Variants in HS3ST4 observed in about 807,000 individuals in gnomAD.
The protein encoded by HS3ST4 is heparan sulfate-glucosamine 3-sulfotransferase 4.
A neutral mutation model predicts 29.2 loss-of-function variants in HS3ST4; 17 were observed. The ratio of observed to expected loss-of-function variants is 0.58; its 90% CI spans 0.40 to 0.87. HS3ST4 has a LOEUF of 0.87. Among genes scored for constraint, HS3ST4 ranks in the 40% least tolerant of loss-of-function variants. The pLI is 0.00. For missense variants in HS3ST4, 627 were observed against 634.5 expected (o/e 0.99, Z 0.13); for synonymous variants, 314 against 285.7 (o/e 1.10, Z -1.00).
chr16:25,735,580 G>A (rs1377289451), intron 1 of HS3ST4, among the ~76,000 whole-genome samples: 1 of 152,014 alleles, frequency 6.6e-6, no homozygotes, highest in African/African-American at 2.4e-5. Context: ...TTGTAGAGAT[G>A]GGGTTTCACT....
intron 1 of HS3ST4, among the ~76,000 whole-genome samples, chr16:25,762,837 AC>A (rs1317655290): frequency 7.3e-6 from 1 of 136,924 alleles, no homozygotes; most frequent in African/African-American, 2.8e-5. Flanking sequence ...TGTTTGTGCC[AC>A]TACACTCCAG....
At chr16:26,057,936 T>A (rs1281798573) in intron 1 of HS3ST4, among the ~76,000 whole-genome samples, 2 of 149,880 alleles carry the variant, frequency 1.3e-5, no homozygotes, top group African/African-American at 2.5e-5. Flanking sequence ...AACATCTCAC[T>A]GGGGCCAGGG....
At chr16:25,943,107 C>T in intron 1 of HS3ST4, among the ~76,000 whole-genome samples, 1 of 152,212 alleles carries the variant, frequency 6.6e-6, no homozygotes, top group East Asian at 1.9e-4. Context: ...CCAATTGCCA[C>T]TTATCAACTA....
At chr16:26,042,856 C>T (rs1307743582) in intron 1 of HS3ST4, among the ~76,000 whole-genome samples, 1 of 152,074 alleles carries the variant, frequency 6.6e-6, no homozygotes, top group Non-Finnish European at 1.5e-5. Context: ...TGAGTCAAAT[C>T]AATATTTAGA....
chr16:26,137,282 A>G lies in HS3ST4; in HGVS notation c.*1034A>G, dbSNP rs1898296869. ...CTGTTATTAGGAATAATCCTTAGCC[A>G]TGTAATGGAGAAAGGAGCAGTCAGC... On this transcript the variant is annotated 3_prime_UTR_variant, in exon 2 of 2. Transcript: ENST00000331351. 6.6e-6 allele frequency: 1 copy of G among 152,170 alleles called. No homozygotes were observed. The highest frequency in any genetic ancestry group is 2.4e-5 in the African/African-American group (1 of 41,434). The allele number at this position is 152,170 out of a possible 1,614,324, so 9.4% of individuals were successfully genotyped here. A position where few individuals can be genotyped will look rare whatever the true frequency, so the allele number is the denominator to read the frequency against.
chr16:26,035,701 T>A (rs540976758), intron 1 of HS3ST4, among the ~76,000 whole-genome samples: 1 of 152,344 alleles, frequency 6.6e-6, no homozygotes, highest in South Asian at 2.1e-4. Context: ...CTCAAGAGTA[T>A]CCCAGTTGGT....
rs541394081 is a variant in HS3ST4, at chr16:26,038,147, C to T, written c.735-97465C>T. Among the ~76,000 whole-genome samples the T allele has an allele frequency of 7.2e-5, 11 of 152,294 alleles. 1 individual carries two copies. The East Asian group carries it at 2.1e-3, about 29-fold the overall frequency. ...ATCCACATGGTCCTCCTCATTGTCC[C>T]TCAGCGACGTCAAGCTCAGCCCTCT... On this transcript the variant is annotated intron_variant, in intron 1 of 1. Transcript: ENST00000331351.
rs116620104 is a variant in HS3ST4, at chr16:25,892,774, T to C, written c.734+199623T>C. Among the ~76,000 whole-genome samples the C allele has an allele frequency of 5.2e-3, 795 of 152,226 alleles. 11 individuals carry two copies. Among genetic ancestry groups the C allele is most frequent in the African/African-American group, 0.018 (767 of 41,514 alleles). ...CCGCCCTCCTTTTCCAGGGAATAAA[T>C]CTATTCCCTTCTTAACTCATCCATA... On this transcript the variant is annotated intron_variant, in intron 1 of 1. Transcript: ENST00000331351.
At chr16:26,059,287 C>T (rs1048359667) in intron 1 of HS3ST4, among the ~76,000 whole-genome samples, 1 of 151,912 alleles carries the variant, frequency 6.6e-6, no homozygotes, top group African/African-American at 2.4e-5. Context: ...ACTTGTCCCC[C>T]TCTCTCTCTT....
chr16:26,006,501 T>G (rs552331911), intron 1 of HS3ST4, among the ~76,000 whole-genome samples: 7 of 152,128 alleles, frequency 4.6e-5, no homozygotes, highest in African/African-American at 7.2e-5. Context: ...GTTTAACTCA[T>G]GCAGAGCCAG....
At chr16:25,993,722 C>T (rs139439786) in intron 1 of HS3ST4, among the ~76,000 whole-genome samples, 27 of 151,866 alleles carry the variant, frequency 1.8e-4, no homozygotes, top group African/African-American at 5.8e-4. Flanking sequence ...CGATAAATGT[C>T]AGGAGTGGGT....
At chr16:25,830,145 C>T (rs1344925953) in intron 1 of HS3ST4, among the ~76,000 whole-genome samples, 1 of 152,150 alleles carries the variant, frequency 6.6e-6, no homozygotes, top group African/African-American at 2.4e-5. Flanking sequence ...TAAATGGGCT[C>T]TTCCACATGG....
chr16:26,010,573 A>G (rs1470624262), intron 1 of HS3ST4, among the ~76,000 whole-genome samples: 2 of 152,186 alleles, frequency 1.3e-5, no homozygotes, highest in South Asian at 2.1e-4. Flanking sequence ...ACCTATGCAT[A>G]TATTTTTGGG....
chr16:25,961,289 G>T (rs914933158), intron 1 of HS3ST4, among the ~76,000 whole-genome samples: 3 of 152,180 alleles, frequency 2.0e-5, no homozygotes, highest in Non-Finnish European at 4.4e-5. Context: ...GAAGAGAAGA[G>T]AAGTAGGAAT....
intron 1 of HS3ST4, among the ~76,000 whole-genome samples, chr16:25,990,172 C>T (rs7196575): frequency 1.3e-5 from 2 of 152,086 alleles, no homozygotes; most frequent in Non-Finnish European, 2.9e-5. Context: ...AGGACATCCT[C>T]GTTGCTTCCA....
chr16:25,782,782 T>G (rs1052218966), intron 1 of HS3ST4, among the ~76,000 whole-genome samples: 1 of 152,218 alleles, frequency 6.6e-6, no homozygotes, highest in Non-Finnish European at 1.5e-5. Flanking sequence ...GAGATTTTAT[T>G]AAATGTTATT....
intron 1 of HS3ST4, among the ~76,000 whole-genome samples, chr16:25,873,377 G>GTCAT: frequency 2.3e-5 from 1 of 43,712 alleles, no homozygotes; most frequent in East Asian, 1.2e-3. Flanking sequence ...AAGCCATCCA[G>GTCAT]TCATCCATCC....
intron 1 of HS3ST4, among the ~76,000 whole-genome samples, chr16:25,828,298 T>TTCTTTCTCTCTTTCTCTCCC (rs1295270727): frequency 3.6e-5 from 1 of 27,886 alleles, no homozygotes; most frequent in Non-Finnish European, 7.0e-5. Context: ...CTTTCTTTCT[T>TTCTTTCTCTCTTTCTCTCCC]TCCCTCTCTC....
At chr16:26,074,246 T>C (rs368618087) in intron 1 of HS3ST4, among the ~76,000 whole-genome samples, 8 of 152,352 alleles carry the variant, frequency 5.3e-5, no homozygotes, top group African/African-American at 7.2e-5. Context: ...AATTCTGCTC[T>C]AAATCTCACA....
Sources: allele counts gnomAD v4.1 joint callset (sites outside exome capture counted in the v4.1 genomes callset), GRCh38; gene constraint gnomAD v4.1.1; transcripts MANE v1.5; gene names NCBI Gene and HGNC (gene_info 2026-07-23, HGNC 2026-07-21).